The following RBFOX1 variants were observed in gnomAD, a reference collection of about 807,000 sequenced individuals.
The protein encoded by RBFOX1 is RNA binding fox-1 homolog 1.
Under a neutral mutation model 57.7 loss-of-function variants are expected in RBFOX1, and 8 were observed. That is an observed-to-expected ratio of 0.14 (90% CI 0.08 to 0.25). RBFOX1 has a LOEUF of 0.25. Among genes scored for constraint, RBFOX1 ranks in the 10% least tolerant of loss-of-function variants. The probability of loss-of-function intolerance (pLI) is 1.00; values close to 1 mark genes in which losing one functional copy is unlikely to be tolerated. For synonymous variants in RBFOX1, 326 were observed against 222.4 expected (o/e 1.47, Z -4.15); for missense variants, 611 against 548.5 (o/e 1.11, Z -1.14).
chr16:6,723,114 G>C (rs915381827), intron 3 of RBFOX1, among the ~76,000 whole-genome samples: 2 of 152,162 alleles, frequency 1.3e-5, no homozygotes, highest in South Asian at 4.1e-4. Flanking sequence ...TTTTCACAAC[G>C]TGTTTGTCTT....
chr16:6,152,300 C>G (rs201921354), intron 1 of RBFOX1, among the ~76,000 whole-genome samples: 21 of 152,136 alleles, frequency 1.4e-4, no homozygotes, highest in Non-Finnish European at 2.2e-4. Context: ...ATTCCTCCCA[C>G]CCCCTCATCT....
At chr16:6,173,604 C>CCTTTTT (rs774297329) in intron 1 of RBFOX1, among the ~76,000 whole-genome samples, 2 of 70,948 alleles carry the variant, frequency 2.8e-5, no homozygotes, top group African/African-American at 5.9e-5. Context: ...TGACCACTCC[C>CCTTTTT]TTTTTTTTTT....
At chr16:6,313,339 G>T (rs547418160) in intron 1 of RBFOX1, among the ~76,000 whole-genome samples, 11 of 152,216 alleles carry the variant, frequency 7.2e-5, no homozygotes, top group Non-Finnish European at 1.5e-4. Context: ...TTTACATTTT[G>T]TAAGGGTCAC....
chr16:6,889,742 A>G (rs1037621868), intron 3 of RBFOX1, among the ~76,000 whole-genome samples: 1 of 152,182 alleles, frequency 6.6e-6, no homozygotes, highest in Non-Finnish European at 1.5e-5. Context: ...TAATCTTGGA[A>G]TAGACCCTTC....
At chr16:5,840,714 C>T (rs1001748219) in intron 3 of RBFOX1, among the ~76,000 whole-genome samples, 7 of 152,124 alleles carry the variant, frequency 4.6e-5, no homozygotes, top group Non-Finnish European at 7.4e-5. Flanking sequence ...GTAGGTGAAG[C>T]AGAAGGAGCC....
At chr16:6,786,773 C>A (rs1205728988) in intron 3 of RBFOX1, among the ~76,000 whole-genome samples, 1 of 152,072 alleles carries the variant, frequency 6.6e-6, no homozygotes, top group Non-Finnish European at 1.5e-5. Context: ...AGAAACTCCA[C>A]CCAATGGAAG....
chr16:6,973,132 T>C (rs1228507537), intron 3 of RBFOX1, among the ~76,000 whole-genome samples: 1 of 140,612 alleles, frequency 7.1e-6, no homozygotes, highest in Non-Finnish European at 1.5e-5. Flanking sequence ...CTCCATTGTC[T>C]AAATAAATTA....
At chr16:6,638,411 C>T (rs1344463714) in intron 2 of RBFOX1, among the ~76,000 whole-genome samples, 2 of 152,020 alleles carry the variant, frequency 1.3e-5, no homozygotes, top group African/African-American at 4.8e-5. Context: ...GTAGTTATTT[C>T]TCAGGTGAGT....
At chr16:6,446,482 G>C (rs559408663) in intron 2 of RBFOX1, among the ~76,000 whole-genome samples, 2 of 152,124 alleles carry the variant, frequency 1.3e-5, no homozygotes, top group Non-Finnish European at 2.9e-5. Context: ...ACATAGAAGG[G>C]ACCAGGAGTT....
At chr16:7,478,260 C>A (rs557786306) in intron 4 of RBFOX1, among the ~76,000 whole-genome samples, 4 of 152,046 alleles carry the variant, frequency 2.6e-5, no homozygotes, top group Middle Eastern at 6.3e-3. Flanking sequence ...ACTATCATTG[C>A]GTAGAATGAA....
chr16:7,424,826 T>C (rs1453566509), intron 4 of RBFOX1, among the ~76,000 whole-genome samples: 7 of 152,164 alleles, frequency 4.6e-5, no homozygotes, highest in Non-Finnish European at 1.0e-4. Context: ...TATTTTTTCT[T>C]CAGGTTCTGG....
At chr16:6,108,874 C>T (rs574669158) in intron 1 of RBFOX1, among the ~76,000 whole-genome samples, 3 of 152,188 alleles carry the variant, frequency 2.0e-5, no homozygotes, top group East Asian at 1.9e-4. Context: ...TATAGGGACG[C>T]TTGTGATTGT....
At chr16:6,289,783 T>G (rs17819914) in intron 1 of RBFOX1, among the ~76,000 whole-genome samples, 24,250 of 152,124 alleles carry the variant, frequency 0.16, 2,306 homozygotes, top group Non-Finnish European at 0.2. Context: ...GCAAATGTCT[T>G]CTGAATGTAG....
At chr16:5,867,450 C>G in intron 4 of RBFOX1, 1 of 745,940 alleles carries the variant, frequency 1.3e-6, no homozygotes, top group Non-Finnish European at 1.8e-6. Flanking sequence ...TTCCTGGTGG[C>G]TTGGATGGTG....
chr16:7,448,638 C>T (rs2098826807), intron 4 of RBFOX1, among the ~76,000 whole-genome samples: 2 of 152,282 alleles, frequency 1.3e-5, no homozygotes, highest in South Asian at 4.1e-4. Flanking sequence ...GGGGGCACAG[C>T]ATAACTGTAG....
chr16:6,804,068 A>G (rs1369593935), intron 3 of RBFOX1, among the ~76,000 whole-genome samples: 3 of 151,986 alleles, frequency 2.0e-5, no homozygotes, highest in African/African-American at 7.3e-5. Flanking sequence ...GTGCAATGAC[A>G]TGATCTCAGC....
intron 4 of RBFOX1, among the ~76,000 whole-genome samples, chr16:5,932,080 C>A (rs1022811328): frequency 6.6e-6 from 1 of 152,130 alleles, no homozygotes; most frequent in Admixed American, 6.5e-5. Flanking sequence ...TTGCGGATTG[C>A]AGGAATGAGC....
At chr16:5,693,923 C>T (rs1425330760) in intron 3 of RBFOX1, among the ~76,000 whole-genome samples, 1 of 152,204 alleles carries the variant, frequency 6.6e-6, no homozygotes, top group Non-Finnish European at 1.5e-5. Context: ...CCCACCTCGT[C>T]ACAGGTGGCA....
At chr16:6,417,514 C>T (rs1406083942) in intron 2 of RBFOX1, among the ~76,000 whole-genome samples, 3 of 149,724 alleles carry the variant, frequency 2.0e-5, no homozygotes, top group Non-Finnish European at 4.4e-5. Context: ...CTCAGCCTCC[C>T]GAATAGCTGG....
Sources: gnomAD v4.1 joint callset for allele counts (sites outside exome capture counted in the v4.1 genomes callset) on GRCh38, gnomAD v4.1.1 for gene constraint, MANE v1.5 for transcripts, NCBI Gene and HGNC (gene_info 2026-07-23, HGNC 2026-07-21) for gene names.